Variants in MUC4 observed in about 807,000 individuals in gnomAD.
MUC4 encodes the protein mucin 4, cell surface associated.
MUC4 carries 202 observed loss-of-function variants against 257.9 expected under a neutral mutation model. The ratio of observed to expected loss-of-function variants is 0.78; its 90% confidence interval spans 0.70 to 0.88. The LOEUF is 0.88. Ranked by LOEUF, MUC4 falls within the 40% of genes least tolerant of loss-of-function variation. The pLI, the probability that MUC4 is intolerant of heterozygous loss-of-function variation, is 0.00. For missense variants in MUC4, 5,976 were observed against 6,513.7 expected, an observed-to-expected ratio of 0.92 and a Z score of 2.84; for synonymous variants, 2,351 against 2,757.1, an observed-to-expected ratio of 0.85 and a Z score of 4.62.
chr3:195,767,463 T>TACCACCACCATCACCATC (rs1285144117), intron 7 of MUC4, among the ~76,000 whole-genome samples: 730 of 37,320 alleles, frequency 0.02, 13 homozygotes, highest in Middle Eastern at 0.045. Context: ...CCACCAACAC[T>TACCACCACCATCACCATC]ACCACCACCA....
chr3:195,789,463 G>A lies in MUC4; in HGVS notation c.2117C>T (p.Thr706Ile), dbSNP rs534391233. Reference sequence around the variant, plus strand: ...CTGCAGTGCTGTGGTCGGGGCCTGGGTTGTGTGACCATCCCCGGTGGGAGC... The same window carrying A: ...CTGCAGTGCTGTGGTCGGGGCCTGGATTGTGTGACCATCCCCGGTGGGAGC... ...APAPTGDGHT[T>I]QAPTTALQAA... The change falls in exon 2 of 25, where the codon ACC becomes ATC. Residue 706 changes from threonine to isoleucine, a missense_variant. Thr to Ile is a moderately conservative substitution (Grantham distance 89, BLOSUM62 -1). Transcript: ENST00000463781. 1.9e-6 allele frequency: 3 copies of A among 1,613,992 alleles called. No homozygotes were observed. The South Asian group carries it at 3.3e-5, about 18-fold the overall frequency.
chr3:195,771,899 G>A lies in MUC4; in HGVS notation c.13078-83C>T, dbSNP rs115111141. 1.3e-3 allele frequency: 1,986 copies of A among 1,473,226 alleles called. 25 individuals are homozygous for A. The African/African-American group carries it at 0.023, about 17-fold the overall frequency. The allele number at this position is 1,473,226 out of a possible 1,614,324, so 91.3% of individuals were successfully genotyped here. On this transcript the variant is annotated intron_variant, in intron 4 of 24. Coordinates refer to ENST00000463781, the MANE Select transcript of MUC4 (RefSeq NM_018406.7). ...AGCCTTGGTCCAGCTCCTCAAAAGCGTGACCCCCAAGGGTAGAGCTTTAGA... is the reference window on the plus strand; with the variant it reads ...AGCCTTGGTCCAGCTCCTCAAAAGCATGACCCCCAAGGGTAGAGCTTTAGA...
Position 195,747,068 on chromosome 3 carries a change from A to G in MUC4, c.*108T>C, listed in dbSNP as rs1412022454. 2.8e-6 allele frequency: 4 copies of G among 1,417,732 alleles called. No individual in the cohort carries two copies. Among genetic ancestry groups the G allele is most frequent in the Non-Finnish European group, 3.9e-6 (4 of 1,015,776 alleles). The allele number at this position is 1,417,732 out of a possible 1,614,324, so 87.8% of individuals were successfully genotyped here. On this transcript the variant is annotated 3_prime_UTR_variant, in exon 25 of 25. Transcript: ENST00000463781. Reference sequence around the variant, plus strand: ...TATTCATTCTCCTTGAAGAATCCTGACAGCCTTCAGTCACCTTCCCTTTTC... The same window carrying G: ...TATTCATTCTCCTTGAAGAATCCTGGCAGCCTTCAGTCACCTTCCCTTTTC...
At chr3:195,797,455 T>G (rs1318369923) in intron 1 of MUC4, among the ~76,000 whole-genome samples, 1 of 152,156 alleles carries the variant, frequency 6.6e-6, no homozygotes, top group African/African-American at 2.4e-5. Context: ...TTACTCCTGT[T>G]AAAACTCCTA....
chr3:195,811,658 G>T, intron 1 of MUC4, 78 bp downstream of exon 1: 2 of 1,276,798 alleles, frequency 1.6e-6, no homozygotes, highest in Non-Finnish European at 2.3e-6. Flanking sequence ...CTGTCTCCCC[G>T]GACCTCTTTC....
At position 195,791,391 on chromosome 3, in the gene MUC4, T is replaced by C; in HGVS notation, c.189A>G (p.Ser63=). 1 of 1,614,018 alleles carries C rather than the reference T, an allele frequency of 6.2e-7. No homozygotes were observed. Among genetic ancestry groups the C allele is most frequent in the South Asian group, 1.1e-5 (1 of 91,086 alleles). The change falls in exon 2 of 25, where the codon TCA becomes TCG. Residue 63 remains serine, a synonymous_variant. Coordinates refer to ENST00000463781, the MANE Select transcript of MUC4 (RefSeq NM_018406.7). The part of the protein sequence containing the change: ...TLEGQSTAAS[S]RTSNQDISAS... ...CTGATATGTCCTGATTAGAGGTCCT[T>C]GAAGAAGCTGCAGTTGATTGTCCCT...
At chr3:195,751,327 C>T (rs574960063) in intron 21 of MUC4, 56 bp from the exon 22 acceptor site, 72 of 1,326,666 alleles carry the variant, frequency 5.4e-5, no homozygotes, top group South Asian at 5.1e-4. Context: ...GGGGGGGAGA[C>T]GCCCTCCCAC....
chr3:195,799,059 G>A (rs1457832132), intron 1 of MUC4, among the ~76,000 whole-genome samples: 1 of 152,068 alleles, frequency 6.6e-6, no homozygotes, highest in African/African-American at 2.4e-5. Context: ...TGTTAAACAG[G>A]AGCAGGTCTC....
intron 1 of MUC4, among the ~76,000 whole-genome samples, chr3:195,798,668 C>T (rs1257792879): frequency 6.6e-6 from 1 of 151,978 alleles, no homozygotes; most frequent in Admixed American, 6.6e-5. Flanking sequence ...TGCACCACTG[C>T]ACTCCTGCCT....
rs201323154 is a variant in MUC4 at position 195,781,166 on chromosome 3, G to T, written c.10414C>A (p.Pro3472Thr). ...TSSASTGDTT[P>T]LPVTSPSSAS... ...GAGGAAGGGCTGGTGACAGGAAGAG[G>T]GGTGGTGTCACCTGTGGATGCTGAG... The change falls in exon 2 of 25, where the codon CCT (proline) becomes ACT (threonine). Residue 3472 changes from proline (P) to threonine (T), a missense_variant. Pro to Thr is a conservative substitution (Grantham distance 38). Around this residue, in one of 44 missense-constraint regions of MUC4, gnomAD observed 297 missense variants for 240.9 expected, o/e 1.23. Transcript: ENST00000463781. The T allele has an allele frequency of 1.2e-5, 18 of 1,488,726 alleles. No homozygotes were observed. The highest frequency in any genetic ancestry group is 1.1e-4 in the African/African-American group (7 of 64,428). The allele number at this position is 1,488,726 out of a possible 1,614,324, so 92.2% of individuals were successfully genotyped here. A position where few individuals can be genotyped will look rare whatever the true frequency, so the allele number is the denominator to read the frequency against.
rs1195299840 is a variant in MUC4, at chr3:195,755,574, C to A, written c.15169-1202G>T. Among the ~76,000 whole-genome samples the A allele has an allele frequency of 6.6e-6, 1 of 152,068 alleles. No homozygotes were observed. Among genetic ancestry groups the A allele is most frequent in the Non-Finnish European group, 1.5e-5 (1 of 67,998 alleles). On this transcript the variant is annotated intron_variant, in intron 18 of 24. Transcript: ENST00000463781. The surrounding 1 kb of genome is among the most constrained non-coding windows in gnomAD (Gnocchi z 5.0). ...TGAGAAAACACAGCAGCCAGTACAGCAGCTCAGCAAAGGCTGCGGCGCCGA... is the reference window on the plus strand; with the variant it reads ...TGAGAAAACACAGCAGCCAGTACAGAAGCTCAGCAAAGGCTGCGGCGCCGA...
In MUC4 at chr3:195,746,892, GT is replaced by G; in HGVS notation, c.*283del. ...ATCACCACATTATGAACTCGTGTGT[GT>G]GTGTGTGTGTGTGCACGCGCGCGTG... On this transcript the variant is annotated 3_prime_UTR_variant, in exon 25 of 25. Transcript: ENST00000463781. The G allele has an allele frequency of 2.1e-6, 1 of 471,388 alleles. No individual in the cohort carries two copies. 29.2% of individuals were successfully genotyped at this position (471,388 alleles called of 1,614,324 possible).
chr3:195,778,825 A>G lies in MUC4; in HGVS notation c.12755T>C (p.Val4252Ala), dbSNP rs780496859. ...CATCTTCAGAGGGGAGTCCGAGGAT[A>G]CTGTGGAAGCTGAGGTAGCACTGCT... ...AVSSATSAST[V>A]SSDSPLKMET... is the part of the protein sequence containing the mutation. The change falls in exon 2 of 25, where the codon GTA (valine) becomes GCA (alanine). Residue 4252 changes from valine (V) to alanine (A), a missense_variant. Around this residue, in one of 44 missense-constraint regions of MUC4, gnomAD observed 233 missense variants for 171.2 expected, o/e 1.36. Transcript: ENST00000463781. 3.1e-6 allele frequency: 5 copies of G among 1,612,230 alleles called. No homozygotes were observed. The South Asian group carries it at 4.4e-5, about 14-fold the overall frequency.
rs746154509 is a variant in MUC4 at position 195,764,006 on chromosome 3, C to T, written c.14044+39G>A. 29 of 1,590,260 alleles carry T rather than the reference C, an allele frequency of 1.8e-5. No homozygotes were observed. The African/African-American group carries it at 3.8e-4, about 21-fold the overall frequency. On this transcript the variant is annotated intron_variant, in intron 11 of 24. Coordinates refer to ENST00000463781, the MANE Select transcript of MUC4 (RefSeq NM_018406.7). The stretch of plus-strand genomic sequence containing the variant: ...TCCCGGAAGCCCAGAAGCTCCCCCT[C>T]CCCAGAGGCTCTTCCTGGGCCTGGG...
Position 195,790,639 on chromosome 3 carries a change from G to T in MUC4, c.941C>A (p.Ser314Tyr). The T allele has an allele frequency of 6.2e-7, 1 of 1,614,036 alleles. No homozygotes were observed. The highest frequency in any genetic ancestry group is 8.5e-7 in the Non-Finnish European group (1 of 1,179,902). Residue 314 changes from serine to tyrosine, a missense_variant, in exon 2 of 25, where the codon TCT (serine) becomes TAT (tyrosine). Transcript: ENST00000463781. ...GQSPATFSRT[S>Y]TQDTTAFSKN... ...AGAAAAAGCTGTTGTGTCCTGAGTA[G>T]AAGTCCTTGAGAAAGTTGCTGGTGA...
Position 195,771,794 on chromosome 3 carries a change from A to T in MUC4, c.13100T>A (p.Ile4367Asn). ...SLYFTDNGQI[I>N]FPESDYQIFS... ...AATCTGGTAGTCTGACTCTGGGAAGATGATCTGGCCATTGTCTGTGAACTG... is the reference window on the plus strand; with the variant it reads ...AATCTGGTAGTCTGACTCTGGGAAGTTGATCTGGCCATTGTCTGTGAACTG... The change falls in exon 5 of 25, where the codon ATC becomes AAC. Residue 4367 changes from isoleucine to asparagine, a missense_variant. Physicochemically the swap from Ile to Asn is moderately radical, Grantham distance 149 (BLOSUM62 -3). Around this residue, in one of 44 missense-constraint regions of MUC4, gnomAD observed 996 missense variants for 1,137.3 expected, o/e 0.88. Transcript: ENST00000463781. The T allele has an allele frequency of 1.2e-6, 2 of 1,613,906 alleles. No individual in the cohort carries two copies. Among genetic ancestry groups the T allele is most frequent in the Non-Finnish European group, 1.7e-6 (2 of 1,179,834 alleles).
chr3:195,785,092 ACAGGAAGAGAGG>A lies in MUC4; in HGVS notation c.6476_6487del (p.Thr2159_Val2163delinsIle), dbSNP rs1730848052. The A allele has an allele frequency of 6.8e-7, 1 of 1,467,880 alleles. No homozygotes were observed. The highest frequency in any genetic ancestry group is 1.5e-5 in the African/African-American group (1 of 68,304). 90.9% of individuals were successfully genotyped at this position (1,467,880 alleles called of 1,614,324 possible). A position where few individuals can be genotyped will look rare whatever the true frequency, so the allele number is the denominator to read the frequency against. ...TGTGGATGCTGAGGAAGTGTCGGTG[ACAGGAAGAGAGG>A]TGGCGTGACCTGTGGATACTGAGGA... is the stretch of plus-strand genomic sequence containing the variant. On this transcript the variant is annotated inframe_deletion, in exon 2 of 25. Transcript: ENST00000463781.
rs748467538 is a variant in MUC4, at chr3:195,791,111, CTGT to C, written c.466_468del (p.Thr156del). On this transcript the variant is annotated inframe_deletion, in exon 2 of 25. Transcript: ENST00000463781. ...ACTGGGGTAGAACTTTCAGTTCCTG[CTGT>C]TGATGTCTCTTCTGTGTTTCCAAGA... 297 of 1,613,640 alleles carry C rather than the reference CTGT, an allele frequency of 1.8e-4. No individual in the cohort carries two copies. Among genetic ancestry groups the C allele is most frequent in the Non-Finnish European group, 2.4e-4 (284 of 1,179,844 alleles).
At chr3:195,749,297 TGGAAAAAGTTTCCTAG>T (rs1265007423) in intron 23 of MUC4, among the ~76,000 whole-genome samples, 59 of 70,484 alleles carry the variant, frequency 8.4e-4, no homozygotes, top group African/African-American at 5.3e-3. Context: ...GTGCTTCCTA[TGGAAAAAGTTTCCTAG>T]GGAAAAAGGT....
Sources: gnomAD v4.1 joint callset for allele counts (sites outside exome capture counted in the v4.1 genomes callset) on GRCh38, gnomAD v4.1.1 for gene constraint, gnomAD v4.1.1 regional missense constraint, Gnocchi (gnomAD v3.1) non-coding constraint, MANE v1.5 for transcripts, NCBI Gene and HGNC (gene_info 2026-07-23, HGNC 2026-07-21) for gene names.